The following NALCN variants were observed in gnomAD, a reference collection of about 807,000 sequenced individuals.
NALCN encodes the protein sodium leak channel, non-selective.
A neutral mutation model predicts 225.3 loss-of-function variants in NALCN; 111 were observed. The observed-to-expected ratio is 0.49, with a 90% confidence interval of 0.42 to 0.58. NALCN has a LOEUF of 0.58. Among genes scored for constraint, NALCN ranks in the 20% least tolerant of loss-of-function variants. The probability of loss-of-function intolerance (pLI) is 0.00; values close to 1 mark genes in which losing one functional copy is unlikely to be tolerated. For missense variants in NALCN, 1,378 were observed against 2,202.4 expected (o/e 0.63, Z 7.49); for synonymous variants, 764 against 769.0 (o/e 0.99, Z 0.11).
chr13:101,278,812 T>C (rs2043051363), intron 10 of NALCN, among the ~76,000 whole-genome samples: 1 of 152,162 alleles, frequency 6.6e-6, no homozygotes, highest in East Asian at 1.9e-4. Context: ...TGCTTTAGAC[T>C]CCAACGACAT....
chr13:101,112,589 T>A (rs2035501401), intron 18 of NALCN, among the ~76,000 whole-genome samples: 1 of 152,196 alleles, frequency 6.6e-6, no homozygotes, highest in Non-Finnish European at 1.5e-5. Flanking sequence ...TCCTCATTGG[T>A]AAAATGAAGA....
Position 101,095,573 on chromosome 13 carries a change from C to A in NALCN, c.3269+1G>T. 2 of 1,610,328 alleles carry A rather than the reference C, an allele frequency of 1.2e-6. No individual in the cohort carries two copies. Among genetic ancestry groups the A allele is most frequent in the Non-Finnish European group, 1.7e-6 (2 of 1,177,984 alleles). ...AGAATATTTTTTTATGATATACTTA[C>A]CAAACACGGGGCACCCAAAATCCAG... On this transcript the variant is annotated splice_donor_variant, in intron 28 of 43. Coordinates refer to ENST00000251127, the MANE Select transcript of NALCN (RefSeq NM_052867.4). LOFTEE classifies it high-confidence loss of function.
chr13:101,351,446 T>G (rs2045905919), intron 6 of NALCN, among the ~76,000 whole-genome samples: 1 of 152,184 alleles, frequency 6.6e-6, no homozygotes, highest in Non-Finnish European at 1.5e-5. Context: ...GTTTGAGATC[T>G]AAGAAAATGT....
chr13:101,323,982 A>G (rs1343684306), intron 7 of NALCN, among the ~76,000 whole-genome samples: 2 of 152,230 alleles, frequency 1.3e-5, no homozygotes, highest in Non-Finnish European at 2.9e-5. Flanking sequence ...TAAGCAGAAT[A>G]AACACCCATC....
intron 7 of NALCN, among the ~76,000 whole-genome samples, chr13:101,343,495 A>C (rs1158801019): frequency 1.3e-5 from 2 of 152,226 alleles, no homozygotes; most frequent in African/African-American, 4.8e-5. Context: ...CCTGGTTACC[A>C]ATGAATTAAA....
At chr13:101,123,032 T>C (rs1232785984) in intron 18 of NALCN, among the ~76,000 whole-genome samples, 1 of 152,186 alleles carries the variant, frequency 6.6e-6, no homozygotes, top group Non-Finnish European at 1.5e-5. Context: ...CACCTTTCTT[T>C]TGTAAACTGA....
intron 1 of NALCN, among the ~76,000 whole-genome samples, chr13:101,399,814 A>C (rs908445912): frequency 1.3e-5 from 2 of 152,214 alleles, no homozygotes; most frequent in Non-Finnish European, 2.9e-5. Flanking sequence ...TAACTGCTTA[A>C]ATTTCCACAA....
chr13:101,345,223 C>T, intron 7 of NALCN, 43 bp downstream of exon 7: 1 of 1,586,878 alleles, frequency 6.3e-7, no homozygotes. Context: ...TCATAAACAT[C>T]ACAAAATAGA....
chr13:101,116,181 C>A (rs921690978), intron 18 of NALCN, among the ~76,000 whole-genome samples: 6 of 151,956 alleles, frequency 3.9e-5, no homozygotes, highest in African/African-American at 1.5e-4. Context: ...AACACACATT[C>A]CCAGTTGCAA....
intron 9 of NALCN, among the ~76,000 whole-genome samples, chr13:101,285,765 G>A (rs1281463838): frequency 6.6e-6 from 1 of 152,034 alleles, no homozygotes; most frequent in Non-Finnish European, 1.5e-5. Flanking sequence ...AGACATCAGT[G>A]GAGATGCAAA....
chr13:101,149,782 C>T (rs2037544126), intron 15 of NALCN, among the ~76,000 whole-genome samples: 1 of 152,112 alleles, frequency 6.6e-6, no homozygotes, highest in African/African-American at 2.4e-5. Flanking sequence ...AATCAAACCT[C>T]CTAAAAGCAA....
intron 6 of NALCN, among the ~76,000 whole-genome samples, chr13:101,352,247 C>A (rs1594726498): frequency 6.6e-6 from 1 of 152,174 alleles, no homozygotes; most frequent in Non-Finnish European, 1.5e-5. Context: ...TATCTATATG[C>A]TCCTGATGTT....
intron 10 of NALCN, among the ~76,000 whole-genome samples, chr13:101,282,328 TAAA>T (rs1186512709): frequency 6.6e-6 from 1 of 152,034 alleles, no homozygotes; most frequent in Non-Finnish European, 1.5e-5. Flanking sequence ...TCAGCCATAA[TAAA>T]GAAAAAAATC....
At chr13:101,219,808 G>C (rs1032651313) in intron 13 of NALCN, among the ~76,000 whole-genome samples, 1 of 152,156 alleles carries the variant, frequency 6.6e-6, no homozygotes, top group Non-Finnish European at 1.5e-5. Context: ...ATAATAGTTG[G>C]TAGGAGCAGT....
At chr13:101,258,417 G>A (rs1308000517) in intron 11 of NALCN, 26 bp downstream of exon 11, 6 of 1,613,626 alleles carry the variant, frequency 3.7e-6, no homozygotes, top group East Asian at 2.2e-5. Flanking sequence ...CTTGCCCAGC[G>A]ATCTGCACGG....
At chr13:101,401,891 A>G (rs1465265186) in intron 1 of NALCN, among the ~76,000 whole-genome samples, 1 of 152,222 alleles carries the variant, frequency 6.6e-6, no homozygotes, top group East Asian at 1.9e-4. Flanking sequence ...TAAAGCATTC[A>G]AGTAGTAAAA....
chr13:101,060,056 T>A, intron 41 of NALCN, 89 bp from the exon 42 acceptor site: 1 of 1,447,122 alleles, frequency 6.9e-7, no homozygotes, highest in Non-Finnish European at 9.5e-7. Context: ...TTCTCCCCTC[T>A]CCTAAGACCT....
chr13:101,191,792 CAACCAGATTAGTCTGCATTA>C lies in NALCN; in HGVS notation c.1764+105_1764+124del. 6.7e-6 allele frequency: 6 copies of C among 900,204 alleles called. No homozygotes were observed. In the Middle Eastern group the frequency reaches 1.4e-3, roughly 213 times the overall value. 55.8% of individuals were successfully genotyped at this position (900,204 alleles called of 1,614,324 possible). On this transcript the variant is annotated intron_variant, in intron 14 of 43. Coordinates refer to ENST00000251127, the MANE Select transcript of NALCN (RefSeq NM_052867.4). Reference sequence around the variant, plus strand: ...TTAGAATGGAAGGAGGGATCTCATCCAACCAGATTAGTCTGCATTAGTCCTTTGGCTCCCATTTTGAAATT... The same window carrying C: ...TTAGAATGGAAGGAGGGATCTCATCCGTCCTTTGGCTCCCATTTTGAAATT...
At chr13:101,323,741 T>C (rs515424) in intron 7 of NALCN, among the ~76,000 whole-genome samples, 62,005 of 152,080 alleles carry the variant, frequency 0.41, 12,988 homozygotes, top group Middle Eastern at 0.47. Context: ...AGTCTCATGA[T>C]TTTCCATGCA....
Sources: allele counts gnomAD v4.1 joint callset (sites outside exome capture counted in the v4.1 genomes callset), GRCh38; gene constraint gnomAD v4.1.1; transcripts MANE v1.5; gene names NCBI Gene and HGNC (gene_info 2026-07-23, HGNC 2026-07-21).